RTRAF: variants seen among roughly 807,000 people sequenced by gnomAD.
RTRAF encodes the protein tRNA-splicing ligase complex subunit RTRAF.
In RTRAF, 14 loss-of-function variants were observed where a neutral mutation model predicts 34.4. The observed-to-expected ratio is 0.41, with a 90% confidence interval of 0.27 to 0.64. RTRAF has a LOEUF of 0.64. Among genes scored for constraint, RTRAF ranks in the 30% least tolerant of loss-of-function variants. RTRAF has a pLI of 0.34. For synonymous variants in RTRAF, 96 were observed against 95.3 expected, an observed-to-expected ratio of 1.01 and a Z score of -0.04; for missense variants, 291 against 288.4, an observed-to-expected ratio of 1.01 and a Z score of -0.06.
At chr14:51,993,677 T>C in intron 2 of RTRAF, 46 bp from the exon 3 acceptor site, 1 of 1,168,008 alleles carries the variant, frequency 8.6e-7, no homozygotes, top group Non-Finnish European at 1.3e-6. Flanking sequence ...TCTGTGACTT[T>C]ATGGTAATAA....
chr14:51,989,669 C>A lies in RTRAF; in HGVS notation c.30C>A (p.Asp10Glu). 6.2e-7 allele frequency: 1 copy of A among 1,606,408 alleles called. No homozygotes were observed. The change falls in exon 1 of 8, where the codon GAC becomes GAA. Residue 10 changes from aspartate to glutamate, a missense_variant. Coordinates refer to ENST00000261700, the MANE Select transcript of RTRAF (RefSeq NM_016039.3). ...TCCGACGCAAGTTGACGGCTCTCGACTACCACAACCCCGCCGGCTTCAACT... is the reference window on the plus strand; with the variant it reads ...TCCGACGCAAGTTGACGGCTCTCGAATACCACAACCCCGCCGGCTTCAACT... MFRRKLTAL[D>E]YHNPAGFNCK...
chr14:51,992,371 G>C (rs1890447504), intron 2 of RTRAF, among the ~76,000 whole-genome samples: 1 of 152,154 alleles, frequency 6.6e-6, no homozygotes, highest in Admixed American at 6.5e-5. Context: ...ATTAGGGATT[G>C]TATAAATTAC....
intron 2 of RTRAF, among the ~76,000 whole-genome samples, chr14:51,992,147 A>T (rs1171269103): frequency 6.6e-6 from 1 of 152,204 alleles, no homozygotes; most frequent in Non-Finnish European, 1.5e-5. Context: ...TTGTGCCTTG[A>T]ATCATTTTCC....
chr14:52,004,822 CTT>C lies in RTRAF; in HGVS notation c.*308_*309del, dbSNP rs1199515011. 8.9e-6 allele frequency: 2 copies of C among 224,952 alleles called. No homozygotes were observed. The highest frequency in any genetic ancestry group is 4.5e-5 in the African/African-American group (2 of 44,074). 13.9% of individuals were successfully genotyped at this position (224,952 alleles called of 1,614,324 possible). A position where few individuals can be genotyped will look rare whatever the true frequency, so the allele number is the denominator to read the frequency against. On this transcript the variant is annotated 3_prime_UTR_variant, in exon 8 of 8. Coordinates refer to ENST00000261700, the MANE Select transcript of RTRAF (RefSeq NM_016039.3). ...TTAAGTCATAGGAAAACTTAAAACA[CTT>C]TATTGGAGTAATCTAGAAAATTTTA...
rs1225172081 is a variant in RTRAF at position 51,989,659 on chromosome 14, C to T, written c.20C>T (p.Thr7Met). Residue 7 changes from threonine (T) to methionine (M), a missense_variant, in exon 1 of 8, where the codon ACG becomes ATG. Transcript: ENST00000261700. ...GGGACCATGTTCCGACGCAAGTTGACGGCTCTCGACTACCACAACCCCGCC... is the reference window on the plus strand; with the variant it reads ...GGGACCATGTTCCGACGCAAGTTGATGGCTCTCGACTACCACAACCCCGCC... The part of the protein sequence containing the change: MFRRKL[T>M]ALDYHNPAGF... 11 of 1,606,146 alleles carry T rather than the reference C, an allele frequency of 6.8e-6. No individual in the cohort carries two copies. Among genetic ancestry groups the T allele is most frequent in the South Asian group, 1.1e-5 (1 of 89,680 alleles).
At chr14:51,992,075 CAG>C (rs1890443183) in intron 2 of RTRAF, among the ~76,000 whole-genome samples, 1 of 152,106 alleles carries the variant, frequency 6.6e-6, no homozygotes, top group African/African-American at 2.4e-5. Context: ...TTAATGTAAA[CAG>C]ATATCCCTTG....
chr14:51,990,648 T>C (rs182259069), intron 1 of RTRAF, among the ~76,000 whole-genome samples: 1 of 152,344 alleles, frequency 6.6e-6, no homozygotes, highest in Non-Finnish European at 1.5e-5. Context: ...TTGTTCTGGA[T>C]TGGAATCTTT....
chr14:52,005,413 G>T lies in RTRAF; in HGVS notation c.*897G>T. 1 of 1,399,226 alleles carries T rather than the reference G, an allele frequency of 7.1e-7. No homozygotes were observed. The highest frequency in any genetic ancestry group is 9.6e-7 in the Non-Finnish European group (1 of 1,046,964). The allele number at this position is 1,399,226 out of a possible 1,614,324, so 86.7% of individuals were successfully genotyped here. ...GGCCAATTCCTTTTTTACTTTCTTT[G>T]CCTTTGCAGTCACTGTTCTTTAGGG... is the stretch of plus-strand genomic sequence containing the variant. On this transcript the variant is annotated 3_prime_UTR_variant, in exon 8 of 8. Transcript: ENST00000261700.
At position 52,006,710 on chromosome 14, in the gene RTRAF, A is replaced by ATGATAGTGATATAG; in HGVS notation, c.*2203_*2204insTATAGTGATAGTGA. The stretch of plus-strand genomic sequence containing the variant: ...AGGTCCTTCAGCTGCTTTGCCAAAA[A>ATGATAGTGATATAG]TGATAGTGACATAGTGATAGTGACA... On this transcript the variant is annotated 3_prime_UTR_variant, in exon 8 of 8. Coordinates refer to ENST00000261700, the MANE Select transcript of RTRAF (RefSeq NM_016039.3). 3.7e-6 allele frequency: 6 copies of ATGATAGTGATATAG among 1,603,590 alleles called. No homozygotes were observed. The highest frequency in any genetic ancestry group is 5.1e-6 in the Non-Finnish European group (6 of 1,171,938).
rs758757898 is a variant in RTRAF at position 52,004,568 on chromosome 14, A to C, written c.*52A>C. ...TACTTAGTACAGTTGGGAACCATAC[A>C]CTTCTGGCATGTTTGGAAATCAAAA... is the stretch of plus-strand genomic sequence containing the variant. On this transcript the variant is annotated 3_prime_UTR_variant, in exon 8 of 8. Coordinates refer to ENST00000261700, the MANE Select transcript of RTRAF (RefSeq NM_016039.3). The C allele has an allele frequency of 2.0e-6, 3 of 1,494,430 alleles. No individual in the cohort carries two copies. The highest frequency in any genetic ancestry group is 2.7e-6 in the Non-Finnish European group (3 of 1,113,328). 92.6% of individuals were successfully genotyped at this position (1,494,430 alleles called of 1,614,324 possible). A position where few individuals can be genotyped will look rare whatever the true frequency, so the allele number is the denominator to read the frequency against.
chr14:52,001,832 A>G lies in RTRAF; in HGVS notation c.497A>G (p.Gln166Arg). The G allele has an allele frequency of 3.1e-6, 5 of 1,609,952 alleles. No individual in the cohort carries two copies. The highest frequency in any genetic ancestry group is 4.2e-6 in the Non-Finnish European group (5 of 1,178,956). Residue 166 changes from glutamine (Q) to arginine (R), a missense_variant, in exon 6 of 8, where the codon CAG becomes CGG. Transcript: ENST00000261700. ...IRILVQERLT[Q>R]DAVAKANQTK... is the part of the protein sequence containing the mutation. Reference sequence around the variant, plus strand: ...ATTTTGGTTCAGGAGCGCCTGACACAGGATGCAGTTGCTAAGGCAAATCAA... The same window carrying G: ...ATTTTGGTTCAGGAGCGCCTGACACGGGATGCAGTTGCTAAGGCAAATCAA...
Position 51,989,570 on chromosome 14 carries a change from C to A in RTRAF, c.-70C>A, listed in dbSNP as rs911899334. On this transcript the variant is annotated 5_prime_UTR_variant, in exon 1 of 8. Transcript: ENST00000261700. The stretch of plus-strand genomic sequence containing the variant: ...CCTCTCGCCGCGTCGCCGGTGCCTG[C>A]GCCTCCCGCTCCACCTCGCTTCTTC... 1.6e-5 allele frequency: 24 copies of A among 1,499,832 alleles called. No individual in the cohort carries two copies. In the South Asian group the frequency reaches 2.8e-4, roughly 18 times the overall value. The allele number at this position is 1,499,832 out of a possible 1,614,324, so 92.9% of individuals were successfully genotyped here.
At chr14:52,001,973 A>G (rs1368001674) in intron 6 of RTRAF, 107 bp downstream of exon 6, 31 of 968,662 alleles carry the variant, frequency 3.2e-5, no homozygotes, top group Non-Finnish European at 4.4e-5. Context: ...TCTACGTTCT[A>G]CAACTTAGAG....
intron 3 of RTRAF, among the ~76,000 whole-genome samples, chr14:51,996,953 T>G (rs575858439): frequency 1.3e-5 from 2 of 152,120 alleles, no homozygotes; most frequent in African/African-American, 4.8e-5. Context: ...TCCCTCAATT[T>G]GGATTTATAT....
At position 52,004,761 on chromosome 14, in the gene RTRAF, C is replaced by T. The variant is rs1030630561; in HGVS notation, c.*245C>T. On this transcript the variant is annotated 3_prime_UTR_variant, in exon 8 of 8. Transcript: ENST00000261700. ...TCCTTTGTGGTTAAGGCATATATGC[C>T]AACCCCCAGCTTTGTCCTAGAGACA... 2.8e-5 allele frequency: 10 copies of T among 358,458 alleles called. No individual in the cohort carries two copies. Among genetic ancestry groups the T allele is most frequent in the African/African-American group, 2.1e-4 (10 of 47,376 alleles). 22.2% of individuals were successfully genotyped at this position (358,458 alleles called of 1,614,324 possible).
In RTRAF at chr14:51,991,315, A is replaced by C; in HGVS notation, c.62-2A>C. The C allele has an allele frequency of 6.2e-7, 1 of 1,612,374 alleles. No individual in the cohort carries two copies. Among genetic ancestry groups the C allele is most frequent in the Non-Finnish European group, 8.5e-7 (1 of 1,178,902 alleles). ...TTATTTATGTGATATTTTTTATTGC[A>C]GATGAAACAGAATTTAGAAACTTCA... On this transcript the variant is annotated splice_acceptor_variant, in intron 1 of 7. Coordinates refer to ENST00000261700, the MANE Select transcript of RTRAF (RefSeq NM_016039.3). LOFTEE classifies it high-confidence loss of function.
Position 52,006,784 on chromosome 14 carries a change from G to T in RTRAF, c.*2268G>T. 2.0e-6 allele frequency: 2 copies of T among 1,012,624 alleles called. No individual in the cohort carries two copies. Among genetic ancestry groups the T allele is most frequent in the Non-Finnish European group, 2.9e-6 (2 of 688,080 alleles). 62.7% of individuals were successfully genotyped at this position (1,012,624 alleles called of 1,614,324 possible). ...ATATTTTACTTCCATTACAGTCATA[G>T]ATTAGCAACTGTAAAATTACCTGTC... On this transcript the variant is annotated 3_prime_UTR_variant, in exon 8 of 8. Coordinates refer to ENST00000261700, the MANE Select transcript of RTRAF (RefSeq NM_016039.3).
Position 51,991,453 on chromosome 14 carries a change from G to A in RTRAF, c.186+12G>A, listed in dbSNP as rs766112608. On this transcript the variant is annotated intron_variant, in intron 2 of 7. Coordinates refer to ENST00000261700, the MANE Select transcript of RTRAF (RefSeq NM_016039.3). ...AGTTCTTTGAAAAGGTAATGAATTA[G>A]GAAGTAAAGTAAAAATACAGAGAGT... 6.2e-7 allele frequency: 1 copy of A among 1,602,638 alleles called. No homozygotes were observed. Among genetic ancestry groups the A allele is most frequent in the African/African-American group, 1.3e-5 (1 of 74,196 alleles).
Position 52,005,718 on chromosome 14 carries a change from C to T in RTRAF, c.*1202C>T, listed in dbSNP as rs1425857046. The stretch of plus-strand genomic sequence containing the variant: ...CTACCCTGCTAATTTAAAGGAGCAT[C>T]CTAAAGCATACTTTTTACCTGTTGG... On this transcript the variant is annotated 3_prime_UTR_variant, in exon 8 of 8. Coordinates refer to ENST00000261700, the MANE Select transcript of RTRAF (RefSeq NM_016039.3). 6.3e-7 allele frequency: 1 copy of T among 1,584,078 alleles called. No individual in the cohort carries two copies. The highest frequency in any genetic ancestry group is 1.3e-5 in the African/African-American group (1 of 74,508).
Sources: allele counts gnomAD v4.1 joint callset (sites outside exome capture counted in the v4.1 genomes callset), GRCh38; gene constraint gnomAD v4.1.1; transcripts MANE v1.5; gene names NCBI Gene and HGNC (gene_info 2026-07-23, HGNC 2026-07-21).